Variants in FGF14 observed in about 807,000 individuals in gnomAD.
FGF14 encodes the protein fibroblast growth factor 14, also known as fibroblast growth factor homologous factor 4.
In FGF14, 5 loss-of-function variants were observed where a neutral mutation model predicts 25.5. That is an observed-to-expected ratio of 0.20 (90% CI 0.10 to 0.41). FGF14 has a LOEUF of 0.41. Ranked by LOEUF, FGF14 falls within the 10% of genes least tolerant of loss-of-function variation. The pLI is 1.00. For missense variants in FGF14, 222 were observed against 320.1 expected, an observed-to-expected ratio of 0.69 and a Z score of 2.34; for synonymous variants, 138 against 118.3, an observed-to-expected ratio of 1.17 and a Z score of -1.08.
At chr13:101,945,014 T>G (rs1462773677) in intron 1 of FGF14, among the ~76,000 whole-genome samples, 1 of 152,122 alleles carries the variant, frequency 6.6e-6, no homozygotes, top group African/African-American at 2.4e-5. Context: ...CATAAAACTG[T>G]ACACTTAAAA....
At chr13:101,905,412 T>C (rs542528171) in intron 1 of FGF14, among the ~76,000 whole-genome samples, 1 of 152,250 alleles carries the variant, frequency 6.6e-6, no homozygotes, top group African/African-American at 2.4e-5. Context: ...GGGACATGGA[T>C]GAAGCTGGAA....
intron 1 of FGF14, among the ~76,000 whole-genome samples, chr13:102,385,928 C>T (rs561386705): frequency 7.2e-4 from 109 of 152,204 alleles, no homozygotes; most frequent in African/African-American, 2.5e-3. Flanking sequence ...GCTTAAAATA[C>T]AGCAATTTTG....
At chr13:102,055,686 A>G (rs527647910) in intron 1 of FGF14, among the ~76,000 whole-genome samples, 18 of 152,334 alleles carry the variant, frequency 1.2e-4, no homozygotes, top group Non-Finnish European at 2.4e-4. Flanking sequence ...CAGTGGGGGC[A>G]TAGCACAACA....
chr13:101,882,929 AT>A (rs367922449), intron 1 of FGF14, among the ~76,000 whole-genome samples: 1,713 of 150,724 alleles, frequency 0.011, 38 homozygotes, highest in African/African-American at 0.039. Context: ...GAGTGATAAA[AT>A]TTTTTTTTTA....
chr13:101,899,651 C>T (rs900133125), intron 1 of FGF14, among the ~76,000 whole-genome samples: 5 of 151,776 alleles, frequency 3.3e-5, no homozygotes, highest in African/African-American at 1.2e-4. Flanking sequence ...TGTTATTATA[C>T]TATAGCAAAT....
chr13:101,728,546 C>T (rs1236936166), intron 3 of FGF14, among the ~76,000 whole-genome samples: 3 of 152,056 alleles, frequency 2.0e-5, no homozygotes, highest in African/African-American at 7.2e-5. Context: ...GTGAGTAAAA[C>T]AAAATGGAAT....
intron 1 of FGF14, among the ~76,000 whole-genome samples, chr13:101,981,081 A>AC (rs2038222651): frequency 8.2e-6 from 1 of 121,850 alleles, no homozygotes; most frequent in South Asian, 2.9e-4. Flanking sequence ...GTCTCTACTA[A>AC]AACACACACA....
chr13:101,904,735 C>G (rs1047391371), intron 1 of FGF14, among the ~76,000 whole-genome samples: 8 of 152,258 alleles, frequency 5.3e-5, no homozygotes, highest in Admixed American at 2.0e-4. Context: ...TTTCACTTGA[C>G]TATACAACCA....
chr13:102,007,475 T>C (rs1377434561), intron 1 of FGF14, among the ~76,000 whole-genome samples: 2 of 151,868 alleles, frequency 1.3e-5, no homozygotes, highest in Non-Finnish European at 2.9e-5. Context: ...CTGGGCAGAG[T>C]ATAGAACAAT....
intron 1 of FGF14, among the ~76,000 whole-genome samples, chr13:102,221,128 ACT>A (rs1427406671): frequency 1.3e-5 from 2 of 152,100 alleles, no homozygotes; most frequent in African/African-American, 4.8e-5. Flanking sequence ...TGTTCAACTA[ACT>A]CTAGGTACTC....
In FGF14 at chr13:102,221,067, C is replaced by T. The variant is rs1436996618; in HGVS notation, c.208+180404G>A. On this transcript the variant is annotated intron_variant, in intron 1 of 4. Transcript: ENST00000376131. ...TCATGTTAGAAGGAGAGCGGACATA[C>T]AACAGATTCTGTGAAAGAATGTTTC... Among the ~76,000 whole-genome samples, 8 of 152,308 alleles carry T rather than the reference C, an allele frequency of 5.3e-5. No individual in the cohort carries two copies. The South Asian group carries it at 1.4e-3, about 28-fold the overall frequency.
In FGF14 at chr13:101,715,654, A is replaced by G; in HGVS notation, c.*7177T>C. ...TCTGGCTTGGCTCAGAATATCCTTAACAATTACATGAGAGAGGTCTGGATT... is the reference window on the plus strand; with the variant it reads ...TCTGGCTTGGCTCAGAATATCCTTAGCAATTACATGAGAGAGGTCTGGATT... On this transcript the variant is annotated 3_prime_UTR_variant, in exon 5 of 5. Transcript: ENST00000376143. The G allele has an allele frequency of 6.3e-7, 1 of 1,595,838 alleles. No individual in the cohort carries two copies. Among genetic ancestry groups the G allele is most frequent in the Non-Finnish European group, 8.6e-7 (1 of 1,163,452 alleles).
At chr13:102,022,439 C>T (rs768188852) in intron 1 of FGF14, among the ~76,000 whole-genome samples, 7 of 152,090 alleles carry the variant, frequency 4.6e-5, no homozygotes, top group Non-Finnish European at 1.0e-4. Context: ...AAGCTAAACT[C>T]GCTCAAAGAG....
intron 3 of FGF14, among the ~76,000 whole-genome samples, chr13:101,860,016 A>G (rs775736777): frequency 6.6e-6 from 1 of 151,980 alleles, no homozygotes; most frequent in Non-Finnish European, 1.5e-5. Flanking sequence ...GACATTGACA[A>G]CCTGCTCCAA....
chr13:102,361,997 C>T (rs2139043659), intron 1 of FGF14, among the ~76,000 whole-genome samples: 2 of 152,184 alleles, frequency 1.3e-5, no homozygotes, highest in East Asian at 3.9e-4. Context: ...TCTCAATTTC[C>T]ATGGCCACTG....
chr13:101,884,041 C>A (rs1431480396), intron 1 of FGF14, among the ~76,000 whole-genome samples: 1 of 94,824 alleles, frequency 1.1e-5, no homozygotes. Flanking sequence ...CCAGCCTGGG[C>A]AACAGAGTAA....
In FGF14 at chr13:101,883,356, A is replaced by C. The variant is rs117355283; in HGVS notation, c.194-8060T>G. On this transcript the variant is annotated intron_variant, in intron 1 of 4. Transcript: ENST00000376143. Reference sequence around the variant, plus strand: ...TCTGCAACACAGCCACAGAAATACAACATTTTACATTGGAAAACAGGAGGA... The same window carrying C: ...TCTGCAACACAGCCACAGAAATACACCATTTTACATTGGAAAACAGGAGGA... Among the ~76,000 whole-genome samples, 1,410 of 152,326 alleles carry C rather than the reference A, an allele frequency of 9.3e-3. 10 individuals are homozygous for C. The highest frequency in any genetic ancestry group is 0.016 in the Non-Finnish European group (1,079 of 68,018).
At position 101,916,548 on chromosome 13, in the gene FGF14, G is replaced by C. The variant is rs1402490501; in HGVS notation, c.98C>G (p.Pro33Arg). The C allele has an allele frequency of 1.2e-6, 2 of 1,613,286 alleles. No individual in the cohort carries two copies. Among genetic ancestry groups the C allele is most frequent in the Non-Finnish European group, 1.7e-6 (2 of 1,179,890 alleles). Residue 33 changes from proline (P) to arginine (R), a missense_variant, in exon 1 of 5, where the codon CCC becomes CGC. Pro to Arg is a moderately radical substitution (Grantham distance 103). Around this residue, in one of 5 missense-constraint regions of FGF14, gnomAD observed 80 missense variants for 72.2 expected, o/e 1.11. Transcript: ENST00000376143. ...GTTGCAGAGCCCGCGGTTCTTGCTG[G>C]GGCTGCTCCGCCTCCTGCTGGCAGA... The part of the protein sequence containing the change: ...RPSASRRRSS[P>R]SKNRGLCNGN...
intron 1 of FGF14, among the ~76,000 whole-genome samples, chr13:102,263,803 A>G (rs932043027): frequency 6.6e-6 from 1 of 152,196 alleles, no homozygotes; most frequent in African/African-American, 2.4e-5. Context: ...AGACAGTGAA[A>G]TAATTCACTC....
Sources: gnomAD v4.1 joint callset for allele counts (sites outside exome capture counted in the v4.1 genomes callset) on GRCh38, gnomAD v4.1.1 for gene constraint, gnomAD v4.1.1 regional missense constraint, MANE v1.5 for transcripts, NCBI Gene and HGNC (gene_info 2026-07-23, HGNC 2026-07-21) for gene names.